Variants in NEMP2 observed in about 807,000 individuals in gnomAD.
NEMP2 encodes UPF0571 transmembrane protein.
A neutral mutation model predicts 54.2 loss-of-function variants in NEMP2; 53 were observed. The ratio of observed to expected loss-of-function variants is 0.98; its 90% CI spans 0.78 to 1.23. The LOEUF is 1.23. Among genes scored for constraint, NEMP2 ranks in the 50% most tolerant of loss-of-function variants. NEMP2 has a pLI of 0.00. For missense variants in NEMP2, 455 were observed against 511.3 expected, an observed-to-expected ratio of 0.89 and a Z score of 1.06; for synonymous variants, 197 against 190.3, an observed-to-expected ratio of 1.04 and a Z score of -0.29.
chr2:190,637,149 C>CT, the NEMP2 span, among the ~76,000 whole-genome samples: 1 of 152,178 alleles, frequency 6.6e-6, no homozygotes, highest in African/African-American at 2.4e-5. The surrounding 1 kb of genome is among the most constrained non-coding windows in gnomAD (Gnocchi z 4.5). Context: ...CTTAAAAATA[C>CT]TTTTTCACAA....
the NEMP2 span, among the ~76,000 whole-genome samples, chr2:190,584,287 T>C: frequency 2.2e-4 from 33 of 152,236 alleles, no homozygotes; most frequent in African/African-American, 7.5e-4. The surrounding 1 kb of genome is among the most constrained non-coding windows in gnomAD (Gnocchi z 4.2). Flanking sequence ...CTGAAGAACA[T>C]GGAAGACCAA....
In NEMP2 at chr2:190,510,682, C is replaced by T. The variant is rs537964103; in HGVS notation, c.954-145G>A. 5.5e-6 allele frequency: 4 copies of T among 730,334 alleles called. No homozygotes were observed. The highest frequency in any genetic ancestry group is 3.6e-5 in the South Asian group (2 of 56,148). 45.2% of individuals were successfully genotyped at this position (730,334 alleles called of 1,614,324 possible). ...GGATCACGAGGTCAGGAGATTGAGA[C>T]GGTCCTGGCTAACAAGGTGAAACAC... On this transcript the variant is annotated intron_variant, in intron 7 of 8. Coordinates refer to ENST00000409150, the MANE Select transcript of NEMP2 (RefSeq NM_001142645.2). The surrounding 1 kb of genome is among the most constrained non-coding windows in gnomAD (Gnocchi z 5.7).
the NEMP2 span, among the ~76,000 whole-genome samples, chr2:190,482,414 TA>T: frequency 6.6e-6 from 1 of 151,828 alleles, no homozygotes; most frequent in Non-Finnish European, 1.5e-5. Context: ...TTTTTTTTTT[TA>T]ATCCCAGAAC....
Position 190,530,377 on chromosome 2 carries a change from C to T in NEMP2, c.97+4182G>A, listed in dbSNP as rs996235773. Reference sequence around the variant, plus strand: ...CCCTTTTTTCTTATCACCTCTCTCCCGAGGTGAATGAGTCTCAAACAACCC... The same window carrying T: ...CCCTTTTTTCTTATCACCTCTCTCCTGAGGTGAATGAGTCTCAAACAACCC... On this transcript the variant is annotated intron_variant, in intron 1 of 8. Transcript: ENST00000409150. The surrounding 1 kb of genome is among the most constrained non-coding windows in gnomAD (Gnocchi z 4.6). Among the ~76,000 whole-genome samples the T allele has an allele frequency of 5.3e-5, 8 of 152,130 alleles. No individual in the cohort carries two copies. Among genetic ancestry groups the T allele is most frequent in the Admixed American group, 1.3e-4 (2 of 15,280 alleles).
chr2:190,588,956 C>G, the NEMP2 span, among the ~76,000 whole-genome samples: 1 of 152,128 alleles, frequency 6.6e-6, no homozygotes, highest in Non-Finnish European at 1.5e-5. This position sits in a 1 kb window ranked among gnomAD's most constrained non-coding sequence, Gnocchi z 5.0. Context: ...ATCCCTACTA[C>G]CAAGTATTAG....
chr2:190,426,316 A>G, the NEMP2 span, among the ~76,000 whole-genome samples: 2 of 151,690 alleles, frequency 1.3e-5, no homozygotes, highest in East Asian at 1.9e-4. The surrounding 1 kb of genome is among the most constrained non-coding windows in gnomAD (Gnocchi z 4.7). Flanking sequence ...TGTCCCCTTT[A>G]TTCTGCTTTA....
the NEMP2 span, among the ~76,000 whole-genome samples, chr2:190,645,157 G>A: frequency 6.6e-6 from 1 of 152,146 alleles, no homozygotes; most frequent in Non-Finnish European, 1.5e-5. Context: ...TAAGACATCA[G>A]AAGTAGCTCT....
At chr2:190,488,772 A>G in the NEMP2 span, 1 of 1,608,976 alleles carries the variant, frequency 6.2e-7, no homozygotes, top group Non-Finnish European at 8.5e-7. This position sits in a 1 kb window ranked among gnomAD's most constrained non-coding sequence, Gnocchi z 6.4. Context: ...TGGGTTTGGG[A>G]AGAGGATGTG....
chr2:190,537,969 G>A (rs554144905), upstream of NEMP2, among the ~76,000 whole-genome samples: 24 of 152,248 alleles, frequency 1.6e-4, 1 homozygote, highest in South Asian at 5.0e-3. Context: ...ACAAATGTCT[G>A]AAACTGTGGT....
At chr2:190,580,746 C>G in the NEMP2 span, among the ~76,000 whole-genome samples, 1 of 152,116 alleles carries the variant, frequency 6.6e-6, no homozygotes, top group Non-Finnish European at 1.5e-5. This position sits in a 1 kb window ranked among gnomAD's most constrained non-coding sequence, Gnocchi z 5.3. Flanking sequence ...TTTCTGATTC[C>G]TCCACAGACT....
chr2:190,518,025 T>C (rs1286828813), intron 4 of NEMP2, among the ~76,000 whole-genome samples: 1 of 152,194 alleles, frequency 6.6e-6, no homozygotes, highest in Non-Finnish European at 1.5e-5. Context: ...CTTCATGCTA[T>C]GTATGCATCA....
rs12472081 is a variant in NEMP2 at position 190,533,819 on chromosome 2, G to A, written c.97+740C>T. Among the ~76,000 whole-genome samples, 23,748 of 151,796 alleles carry A rather than the reference G, an allele frequency of 0.16. 1,985 individuals carry two copies. Among genetic ancestry groups the A allele is most frequent in the East Asian group, 0.3 (1,558 of 5,144 alleles). On this transcript the variant is annotated intron_variant, in intron 1 of 8. Transcript: ENST00000409150. The surrounding 1 kb of genome is among the most constrained non-coding windows in gnomAD (Gnocchi z 4.3). ...AATGTGAAGCTCATGGTAAGTTAGCGGCAGGTCTGGAGTTGGAACTCTAGG... is the reference window on the plus strand; with the variant it reads ...AATGTGAAGCTCATGGTAAGTTAGCAGCAGGTCTGGAGTTGGAACTCTAGG...
the NEMP2 span, chr2:190,489,663 C>G: frequency 1.9e-6 from 2 of 1,075,228 alleles, no homozygotes; most frequent in Admixed American, 2.6e-5. The surrounding 1 kb of genome is among the most constrained non-coding windows in gnomAD (Gnocchi z 6.6). Flanking sequence ...TGGTTTGTCT[C>G]AAGCTGTGCT....
chr2:190,586,541 T>C, the NEMP2 span, among the ~76,000 whole-genome samples: 1 of 152,176 alleles, frequency 6.6e-6, no homozygotes, highest in African/African-American at 2.4e-5. The surrounding 1 kb of genome is among the most constrained non-coding windows in gnomAD (Gnocchi z 4.5). Flanking sequence ...GTCCCCATAT[T>C]TAAAATACAT....
the NEMP2 span, among the ~76,000 whole-genome samples, chr2:190,616,643 A>G: frequency 5.3e-5 from 8 of 152,204 alleles, no homozygotes; most frequent in Admixed American, 1.3e-4. The surrounding 1 kb of genome is among the most constrained non-coding windows in gnomAD (Gnocchi z 5.1). Context: ...ATAGAAGGAA[A>G]CTATACCTTT....
chr2:190,526,206 G>A (rs1035001200), intron 1 of NEMP2, among the ~76,000 whole-genome samples: 24 of 152,168 alleles, frequency 1.6e-4, no homozygotes, highest in African/African-American at 5.6e-4. Context: ...AAGGAATGCA[G>A]TCACTGCCAG....
chr2:190,599,138 G>A, the NEMP2 span, among the ~76,000 whole-genome samples: 2 of 152,212 alleles, frequency 1.3e-5, no homozygotes, highest in South Asian at 4.1e-4. Context: ...TTTGATATTA[G>A]TGAAGGTTAA....
the NEMP2 span, among the ~76,000 whole-genome samples, chr2:190,483,192 G>A: frequency 3.3e-5 from 5 of 151,828 alleles, no homozygotes; most frequent in East Asian, 9.7e-4. Context: ...GCGCCCGGCC[G>A]ACTATCATCT....
At chr2:190,566,149 C>T in the NEMP2 span, among the ~76,000 whole-genome samples, 1 of 152,038 alleles carries the variant, frequency 6.6e-6, no homozygotes, top group Non-Finnish European at 1.5e-5. Context: ...TGCAGTGTAT[C>T]TAATGGATAT....
Sources: gnomAD v4.1 joint callset for allele counts (sites outside exome capture counted in the v4.1 genomes callset) on GRCh38, gnomAD v4.1.1 for gene constraint, Gnocchi (gnomAD v3.1) non-coding constraint, MANE v1.5 for transcripts, NCBI Gene and HGNC (gene_info 2026-07-23, HGNC 2026-07-21) for gene names.